UGT1A5: variants seen among roughly 807,000 people sequenced by gnomAD.
The protein encoded by UGT1A5 is UDP glucuronosyltransferase family 1 member A5, also known as UDP-glucuronosyltransferase 1A5.
In UGT1A5, 29 loss-of-function variants were observed where a neutral mutation model predicts 40.3. The observed-to-expected ratio is 0.72, with a 90% CI of 0.54 to 0.98. The LOEUF (loss-of-function observed/expected upper bound fraction) is 0.98. Ranked by LOEUF, UGT1A5 falls within the 50% of genes least tolerant of loss-of-function variation. The pLI is 0.00. For synonymous variants in UGT1A5, 257 were observed against 262.5 expected, an observed-to-expected ratio of 0.98 and a Z score of 0.20; for missense variants, 678 against 677.9, an observed-to-expected ratio of 1.00 and a Z score of 0.00.
In UGT1A5 at chr2:233,713,115, C is replaced by T. The variant is rs2076279485; in HGVS notation, c.124C>T (p.Leu42Phe). 6.2e-7 allele frequency: 1 copy of T among 1,614,098 alleles called. No homozygotes were observed. Among genetic ancestry groups the T allele is most frequent in the African/African-American group, 1.3e-5 (1 of 74,952 alleles). The change falls in exon 1 of 5, where the codon CTC becomes TTC. Residue 42 changes from leucine (L) to phenylalanine (F), a missense_variant. Transcript: ENST00000373414. The part of the protein sequence containing the change: ...LVVPTDGSHW[L>F]SMREALRDLH... ...GGTGCCCACTGATGGCAGCCACTGG[C>T]TCAGCATGCGGGAGGCCTTGCGGGA... is the stretch of plus-strand genomic sequence containing the variant.
intron 1 of UGT1A5, chr2:233,719,813 A>C: frequency 6.3e-7 from 1 of 1,586,286 alleles, no homozygotes; most frequent in Non-Finnish European, 8.6e-7. Context: ...TCTTTATAAC[A>C]GATAAACTGT....
intron 1 of UGT1A5, chr2:233,729,977 GGAA>G: frequency 1.2e-6 from 2 of 1,614,018 alleles, no homozygotes; most frequent in African/African-American, 2.7e-5. Flanking sequence ...TGTGCCAACA[GGAA>G]GCCACTATCT....
chr2:233,759,024 C>T (rs1053899140), intron 1 of UGT1A5, among the ~76,000 whole-genome samples: 1 of 152,174 alleles, frequency 6.6e-6, no homozygotes, highest in Admixed American at 6.5e-5. Context: ...ATTTGCTTAT[C>T]TATTTGGTTT....
chr2:233,755,320 T>A, intron 1 of UGT1A5: 1 of 508,264 alleles, frequency 2.0e-6, no homozygotes, highest in Non-Finnish European at 3.2e-6. Context: ...GCGGCAAGGC[T>A]GCCAGCACCC....
chr2:233,757,535 AATATATATAT>A (rs67292694), intron 1 of UGT1A5, among the ~76,000 whole-genome samples: 5,616 of 88,332 alleles, frequency 0.064, 477 homozygotes, highest in Non-Finnish European at 0.086. Context: ...GCCTGTAAGG[AATATATATAT>A]ATATATATAT....
At chr2:233,743,564 G>C (rs772866173) in intron 1 of UGT1A5, 1 of 1,367,272 alleles carries the variant, frequency 7.3e-7, no homozygotes, top group East Asian at 4.6e-5. Flanking sequence ...ATTCTCCAGC[G>C]GGTTTCCCAA....
rs1028385252 is a variant in UGT1A5 at position 233,772,759 on chromosome 2, C to T, written c.*200C>T. On this transcript the variant is annotated 3_prime_UTR_variant, in exon 5 of 5. Transcript: ENST00000373414. ...TCAGTAAAGATATTTGAATATGTAT[C>T]GTGCCCCCTCTGGTGTCTTTGATCA... is the stretch of plus-strand genomic sequence containing the variant. 2.3e-5 allele frequency: 32 copies of T among 1,393,958 alleles called. No individual in the cohort carries two copies. In the Admixed American group the frequency reaches 4.6e-4, roughly 20 times the overall value. The allele number at this position is 1,393,958 out of a possible 1,614,324, so 86.3% of individuals were successfully genotyped here. A position where few individuals can be genotyped will look rare whatever the true frequency, so the allele number is the denominator to read the frequency against.
chr2:233,747,893 T>G (rs1693806794), intron 1 of UGT1A5: 1 of 1,613,576 alleles, frequency 6.2e-7, no homozygotes. Flanking sequence ...GCCATGCTCT[T>G]TCTGCTCCTT....
intron 1 of UGT1A5, chr2:233,754,390 C>T (rs1695467678): frequency 3.3e-6 from 1 of 303,086 alleles, no homozygotes; most frequent in Admixed American, 4.5e-5. Context: ...AACAGAGGTC[C>T]TATCCGTGCA....
intron 1 of UGT1A5, among the ~76,000 whole-genome samples, chr2:233,765,157 C>T (rs1698767071): frequency 6.6e-6 from 1 of 152,114 alleles, no homozygotes; most frequent in African/African-American, 2.4e-5. Context: ...CTAGGGAACC[C>T]CTCAGTTTGG....
At chr2:233,751,396 T>C (rs939071089) in intron 1 of UGT1A5, among the ~76,000 whole-genome samples, 1 of 152,154 alleles carries the variant, frequency 6.6e-6, no homozygotes, top group African/African-American at 2.4e-5. Context: ...CAGATAAGAC[T>C]TTGGACTATG....
intron 1 of UGT1A5, among the ~76,000 whole-genome samples, chr2:233,740,002 A>AAGTG (rs1284523350): frequency 6.6e-6 from 1 of 151,788 alleles, no homozygotes; most frequent in Admixed American, 6.5e-5. Context: ...TTGTCATACT[A>AAGTG]AGTGAGTTCT....
intron 1 of UGT1A5, chr2:233,742,723 T>C (rs17863795): frequency 0.037 from 5,611 of 152,966 alleles, 153 homozygotes; most frequent in Non-Finnish European, 0.057. Context: ...CTCAGTGATA[T>C]GGGATTCAAA....
At chr2:233,763,692 T>G (rs28900398) in intron 1 of UGT1A5, among the ~76,000 whole-genome samples, 3,195 of 152,308 alleles carry the variant, frequency 0.021, 100 homozygotes, top group African/African-American at 0.073. Context: ...GATAAAACTT[T>G]TATTGCACAA....
At position 233,713,658 on chromosome 2, in the gene UGT1A5, C is replaced by A. The variant is rs376312935; in HGVS notation, c.667C>A (p.Leu223Ile). 1.7e-5 allele frequency: 27 copies of A among 1,613,822 alleles called. No individual in the cohort carries two copies. Among genetic ancestry groups the A allele is most frequent in the African/African-American group, 2.7e-5 (2 of 74,924 alleles). ...NMLYPLALSYLCHAVSAPYAS... is the reference protein window; with the variant it reads ...NMLYPLALSYICHAVSAPYAS... ...GCTCTACCCTCTGGCCCTGTCCTAC[C>A]TTTGCCATGCTGTTTCTGCTCCTTA... The change falls in exon 1 of 5, where the codon CTT becomes ATT. Residue 223 changes from leucine to isoleucine, a missense_variant. Leu to Ile is a conservative substitution (Grantham distance 5). Coordinates refer to ENST00000373414, the MANE Select transcript of UGT1A5 (RefSeq NM_019078.2).
At position 233,765,222 on chromosome 2, in the gene UGT1A5, C is replaced by A. The variant is rs528641835; in HGVS notation, c.868-1812C>A. On this transcript the variant is annotated intron_variant, in intron 1 of 4. Transcript: ENST00000373414. ...TAGTGCCCTCAGTATTCTTTGCAAA[C>A]ATAAAACCATAGACTCAGTAATCCC... Among the ~76,000 whole-genome samples, 51 of 152,262 alleles carry A rather than the reference C, an allele frequency of 3.3e-4. 1 individual carries two copies. The South Asian group carries it at 4.4e-3, about 13-fold the overall frequency.
chr2:233,724,204 T>C (rs1288091131), intron 1 of UGT1A5, among the ~76,000 whole-genome samples: 2 of 103,218 alleles, frequency 1.9e-5, no homozygotes, highest in South Asian at 3.6e-4. Context: ...CTGGCCGGGC[T>C]GAGGGGCTCC....
intron 1 of UGT1A5, chr2:233,743,248 A>G (rs1692247141): frequency 2.3e-6 from 1 of 432,126 alleles, no homozygotes; most frequent in Non-Finnish European, 4.4e-6. Flanking sequence ...ACTTTAACTC[A>G]ACTCTCCATC....
rs28900368 is a variant in UGT1A5 at position 233,741,162 on chromosome 2, T to C, written c.868-25872T>C. ...CATTTATGACAGCACTAATCCAGGA[T>C]ATATCAAAACTGAACTTGTGTTTGC... On this transcript the variant is annotated intron_variant, in intron 1 of 4. Transcript: ENST00000373414. 1.4e-3 allele frequency among the ~76,000 whole-genome samples: 206 copies of C among 152,072 alleles called. 9 individuals are homozygous for C. The highest frequency in any genetic ancestry group is 4.8e-3 in the African/African-American group (198 of 41,316).
Sources: gnomAD v4.1 joint callset for allele counts (sites outside exome capture counted in the v4.1 genomes callset) on GRCh38, gnomAD v4.1.1 for gene constraint, MANE v1.5 for transcripts, NCBI Gene and HGNC (gene_info 2026-07-23, HGNC 2026-07-21) for gene names.